Variants in SNAPC4 observed in about 807,000 individuals in gnomAD.
The protein encoded by SNAPC4 is small nuclear RNA activating complex polypeptide 4.
A neutral mutation model predicts 151.3 loss-of-function variants in SNAPC4; 127 were observed. The observed-to-expected ratio is 0.84, with a 90% CI of 0.73 to 0.97. SNAPC4 has a LOEUF of 0.97. Ranked by LOEUF, SNAPC4 falls within the 50% of genes least tolerant of loss-of-function variation. SNAPC4 has a pLI of 0.00. For missense variants in SNAPC4, 2,186 were observed against 1,935.0 expected (o/e 1.13, Z -2.43); for synonymous variants, 1,002 against 824.4 (o/e 1.22, Z -3.69).
At chr9:136,387,393 G>T in intron 13 of SNAPC4, 92 bp downstream of exon 13, 1 of 922,808 alleles carries the variant, frequency 1.1e-6, no homozygotes, top group Non-Finnish European at 1.8e-6. Context: ...AGCGCTGGCC[G>T]CTGTCCCCCA....
At chr9:136,395,560 G>T in intron 4 of SNAPC4, 43 bp downstream of exon 4, 1 of 1,583,000 alleles carries the variant, frequency 6.3e-7, no homozygotes, top group Non-Finnish European at 8.6e-7. Flanking sequence ...GGGGCTCTGG[G>T]GGTGGGGAGG....
At chr9:136,395,797 G>A (rs1422350600) in intron 3 of SNAPC4, 27 bp from the exon 4 acceptor site, 2 of 1,598,164 alleles carry the variant, frequency 1.3e-6, no homozygotes, top group Admixed American at 1.7e-5. Context: ...AATGGCATGT[G>A]ACGAGATGAG....
Position 136,395,649 on chromosome 9 carries a change from T to C in SNAPC4, c.299A>G (p.Lys100Arg). 3 of 1,613,024 alleles carry C rather than the reference T, an allele frequency of 1.9e-6. No homozygotes were observed. The highest frequency in any genetic ancestry group is 8.5e-7 in the Non-Finnish European group (1 of 1,179,930). ...NMVYQEVIQE[K>R]LAEANLLLAQ... ...CAGCAGCAGGTTGGCCTCAGCCAGC[T>C]TCTCCTGGATGACCTCCTGGTAGAC... Residue 100 changes from lysine to arginine, a missense_variant, in exon 4 of 24, where the codon AAG becomes AGG. Lys to Arg is a conservative substitution (Grantham distance 26). Coordinates refer to ENST00000684778, the MANE Select transcript of SNAPC4 (RefSeq NM_003086.4).
Position 136,395,152 on chromosome 9 carries a change from A to C in SNAPC4, c.471+146T>G, listed in dbSNP as rs1834218991. The C allele has an allele frequency of 4.8e-6, 5 of 1,052,086 alleles. No individual in the cohort carries two copies. The South Asian group carries it at 7.9e-5, about 17-fold the overall frequency. The allele number at this position is 1,052,086 out of a possible 1,614,324, so 65.2% of individuals were successfully genotyped here. A position where few individuals can be genotyped will look rare whatever the true frequency, so the allele number is the denominator to read the frequency against. On this transcript the variant is annotated intron_variant, in intron 5 of 23. Transcript: ENST00000684778. The stretch of plus-strand genomic sequence containing the variant: ...GCGCAGAGCAGAGGGCAGCTTGCCC[A>C]CCACGGAGGAGGCAGTTTGAAGGAG...
Position 136,378,025 on chromosome 9 carries a change from C to T in SNAPC4, c.3802G>A (p.Ala1268Thr). 6.3e-7 allele frequency: 1 copy of T among 1,590,628 alleles called. No individual in the cohort carries two copies. Among genetic ancestry groups the T allele is most frequent in the Non-Finnish European group, 8.6e-7 (1 of 1,169,486 alleles). The change falls in exon 22 of 24, where the codon GCC becomes ACC. Residue 1268 changes from alanine to threonine, a missense_variant. Physicochemically the swap from Ala to Thr is moderately conservative, Grantham distance 58 (BLOSUM62 0). Coordinates refer to ENST00000684778, the MANE Select transcript of SNAPC4 (RefSeq NM_003086.4). ...TGGGACAGCAGGCCCAGGTCCAGGG[C>T]CCCCTTCTCAGGCCCAGGCTGGGGT... ...PLPQPGPEKG[A>T]LDLGLLSQEG...
intron 7 of SNAPC4, among the ~76,000 whole-genome samples, 197 bp from the exon 8 acceptor site, chr9:136,392,974 G>A (rs890995287): frequency 6.6e-6 from 1 of 152,216 alleles, no homozygotes; most frequent in Non-Finnish European, 1.5e-5. Flanking sequence ...GGGAAGGGCT[G>A]CAGTGTCTGC....
chr9:136,377,714 G>C lies in SNAPC4; in HGVS notation c.4113C>G (p.Ala1371=). ...TGGCCAGGAGCGCAGGGAGGGTGAAGGCTGCCAGGAACCGCGCCCGCAACA... is the reference window on the plus strand; with the variant it reads ...TGGCCAGGAGCGCAGGGAGGGTGAACGCTGCCAGGAACCGCGCCCGCAACA... The part of the protein sequence containing the change: ...YLLLRARFLA[A]FTLPALLATL... The change falls in exon 22 of 24, where the codon GCC becomes GCG. Residue 1371 remains alanine, a synonymous_variant. Coordinates refer to ENST00000684778, the MANE Select transcript of SNAPC4 (RefSeq NM_003086.4). The C allele has an allele frequency of 2.5e-6, 4 of 1,609,092 alleles. No homozygotes were observed. Among genetic ancestry groups the C allele is most frequent in the South Asian group, 2.2e-5 (2 of 90,802 alleles).
rs1380568493 is a variant in SNAPC4, at chr9:136,378,550, C to T, written c.3277G>A (p.Val1093Met). The T allele has an allele frequency of 1.1e-5, 17 of 1,592,576 alleles. No individual in the cohort carries two copies. Among genetic ancestry groups the T allele is most frequent in the African/African-American group, 2.7e-5 (2 of 74,684 alleles). The part of the protein sequence containing the change: ...QGLLPVPVPA[V>M]VSLPRPAGTP... ...CCTGCTGGCCTGGGAAGGCTCACCA[C>T]AGCTGGTACAGGAACAGGGAGAAGC... Residue 1093 changes from valine to methionine, a missense_variant, in exon 22 of 24, where the codon GTG becomes ATG. Coordinates refer to ENST00000684778, the MANE Select transcript of SNAPC4 (RefSeq NM_003086.4).
chr9:136,387,937 G>A, intron 11 of SNAPC4, 89 bp from the exon 12 acceptor site: 1 of 792,008 alleles, frequency 1.3e-6, no homozygotes. Context: ...GTCCCGTGGG[G>A]CCGAGACACC....
intron 18 of SNAPC4, among the ~76,000 whole-genome samples, 174 bp downstream of exon 18, chr9:136,381,650 C>T (rs958262243): frequency 6.6e-6 from 1 of 152,168 alleles, no homozygotes; most frequent in African/African-American, 2.4e-5. Flanking sequence ...CTGGCTGTGA[C>T]TGGGTGTCCT....
chr9:136,392,809 G>GGCTTT, intron 7 of SNAPC4, 32 bp from the exon 8 acceptor site: 1 of 1,583,886 alleles, frequency 6.3e-7, no homozygotes, highest in African/African-American at 1.3e-5. Flanking sequence ...GAAGGGCTGG[G>GGCTTT]GCACGAGGGC....
In SNAPC4 at chr9:136,383,929, A is replaced by G. The variant is rs1310521284; in HGVS notation, c.1500+24T>C. ...TGACCAGGCCATTGTCTGGTTTCAGATAAAGAAGGAGCGAGTGGCTCACCC... is the reference window on the plus strand; with the variant it reads ...TGACCAGGCCATTGTCTGGTTTCAGGTAAAGAAGGAGCGAGTGGCTCACCC... On this transcript the variant is annotated intron_variant, in intron 15 of 23. Transcript: ENST00000684778. This position sits in a 1 kb window ranked among gnomAD's most constrained non-coding sequence, Gnocchi z 4.2. 1 of 1,605,602 alleles carries G rather than the reference A, an allele frequency of 6.2e-7. No homozygotes were observed. Among genetic ancestry groups the G allele is most frequent in the Non-Finnish European group, 8.5e-7 (1 of 1,173,422 alleles).
chr9:136,376,541 G>T, intron 22 of SNAPC4, 60 bp from the exon 23 acceptor site: 1 of 1,598,100 alleles, frequency 6.3e-7, no homozygotes, highest in Non-Finnish European at 8.6e-7. Context: ...GATGGACGGG[G>T]AAGGGACGGG....
At chr9:136,396,473 G>A (rs749792501) in intron 3 of SNAPC4, among the ~76,000 whole-genome samples, 1 of 152,202 alleles carries the variant, frequency 6.6e-6, no homozygotes, top group Admixed American at 6.5e-5. Flanking sequence ...CTGGAGTGCA[G>A]TGGTGCAATC....
intron 22 of SNAPC4, among the ~76,000 whole-genome samples, chr9:136,376,861 C>T (rs1319489009): frequency 6.6e-6 from 1 of 152,216 alleles, no homozygotes; most frequent in Non-Finnish European, 1.5e-5. Flanking sequence ...TTGCGAGACA[C>T]AACCCTGGGG....
Position 136,394,718 on chromosome 9 carries a change from C to T in SNAPC4, c.550+82G>A, listed in dbSNP as rs531689440. On this transcript the variant is annotated intron_variant, in intron 6 of 23. Transcript: ENST00000684778. ...GTCACAACAGAGAGAGGTCTGAGAA[C>T]TTGGGGAGAAACTGGGGAAAGGAGG... 4.7e-5 allele frequency: 61 copies of T among 1,289,380 alleles called. No homozygotes were observed. The African/African-American group carries it at 7.5e-4, about 16-fold the overall frequency. The allele number at this position is 1,289,380 out of a possible 1,614,324, so 79.9% of individuals were successfully genotyped here. A position where few individuals can be genotyped will look rare whatever the true frequency, so the allele number is the denominator to read the frequency against.
Position 136,383,150 on chromosome 9 carries a change from T to C in SNAPC4, c.1983+36A>G, listed in dbSNP as rs960308796. ...AGCCCTGGCGAGCGAGTGCCGAAAG[T>C]GCACTTCCCGTGGTACACCCAGGGC... On this transcript the variant is annotated intron_variant, in intron 16 of 23. Transcript: ENST00000684778. This position sits in a 1 kb window ranked among gnomAD's most constrained non-coding sequence, Gnocchi z 4.2. 16 of 1,510,616 alleles carry C rather than the reference T, an allele frequency of 1.1e-5. No individual in the cohort carries two copies. The highest frequency in any genetic ancestry group is 2.8e-5 in the African/African-American group (2 of 71,484). The allele number at this position is 1,510,616 out of a possible 1,614,324, so 93.6% of individuals were successfully genotyped here. A position where few individuals can be genotyped will look rare whatever the true frequency, so the allele number is the denominator to read the frequency against.
intron 16 of SNAPC4, among the ~76,000 whole-genome samples, 188 bp downstream of exon 16, chr9:136,382,998 G>A (rs1833753424): frequency 6.6e-6 from 1 of 152,184 alleles, no homozygotes; most frequent in Admixed American, 6.5e-5. Context: ...CAGTCAACAA[G>A]CCAGGAAAAA....
chr9:136,379,235 T>C lies in SNAPC4; in HGVS notation c.2592A>G (p.Arg864=). 1.9e-6 allele frequency: 3 copies of C among 1,612,576 alleles called. No individual in the cohort carries two copies. The highest frequency in any genetic ancestry group is 2.5e-6 in the Non-Finnish European group (3 of 1,179,910). Residue 864 remains arginine (R), a synonymous_variant, in exon 22 of 24, where the codon CGA becomes CGG. Transcript: ENST00000684778. Reference sequence around the variant, plus strand: ...GCTCCACCCGGCTGGACGCCAGTCTTCGGCTCCCTTTGTGGCTGGCACTCT... The same window carrying C: ...GCTCCACCCGGCTGGACGCCAGTCTCCGGCTCCCTTTGTGGCTGGCACTCT... ...ASKSASHKGS[R]RLASSRVERT...
Sources: allele counts gnomAD v4.1 joint callset (sites outside exome capture counted in the v4.1 genomes callset), GRCh38; gene constraint gnomAD v4.1.1; non-coding constraint Gnocchi (gnomAD v3.1); transcripts MANE v1.5; gene names NCBI Gene and HGNC (gene_info 2026-07-23, HGNC 2026-07-21).